Variants in GABBR2 observed in about 807,000 individuals in gnomAD.
GABBR2 encodes gamma-aminobutyric acid type B receptor subunit 2, also known as G-protein coupled receptor 51.
A neutral mutation model predicts 105.6 loss-of-function variants in GABBR2; 23 were observed. The observed-to-expected ratio is 0.22, with a 90% CI of 0.16 to 0.31. The LOEUF is 0.31. Among genes scored for constraint, GABBR2 ranks in the 10% least tolerant of loss-of-function variants. The pLI is 1.00. For synonymous variants in GABBR2, 478 were observed against 499.7 expected, an observed-to-expected ratio of 0.96 and a Z score of 0.58; for missense variants, 734 against 1,245.5, an observed-to-expected ratio of 0.59 and a Z score of 6.18.
At chr9:98,586,853 G>A (rs1051332610) in intron 1 of GABBR2, among the ~76,000 whole-genome samples, 2 of 152,194 alleles carry the variant, frequency 1.3e-5, no homozygotes, top group African/African-American at 4.8e-5. Flanking sequence ...CTCTGCCAGT[G>A]GACCCTTGGG....
intron 6 of GABBR2, among the ~76,000 whole-genome samples, chr9:98,455,202 T>C (rs1283687769): frequency 2.0e-5 from 3 of 152,186 alleles, no homozygotes; most frequent in South Asian, 2.1e-4. Context: ...AGGAATTTCA[T>C]TGGTGATATT....
At chr9:98,412,592 C>T (rs1210413029) in intron 7 of GABBR2, among the ~76,000 whole-genome samples, 1 of 152,190 alleles carries the variant, frequency 6.6e-6, no homozygotes, top group East Asian at 1.9e-4. Flanking sequence ...CTCTGACCTT[C>T]TCCTGGCCTC....
At chr9:98,332,519 C>T (rs1444786242) in intron 13 of GABBR2, among the ~76,000 whole-genome samples, 1 of 152,120 alleles carries the variant, frequency 6.6e-6, no homozygotes, top group Admixed American at 6.5e-5. Flanking sequence ...AGTCACTCAC[C>T]CAAGGTCACG....
intron 13 of GABBR2, among the ~76,000 whole-genome samples, chr9:98,315,103 C>T (rs1830693108): frequency 1.3e-5 from 2 of 152,178 alleles, no homozygotes; most frequent in South Asian, 2.1e-4. Flanking sequence ...CTTAGCTGCT[C>T]CCCTTCCCCC....
At chr9:98,664,393 A>G (rs1830307089) in intron 1 of GABBR2, among the ~76,000 whole-genome samples, 1 of 152,162 alleles carries the variant, frequency 6.6e-6, no homozygotes. Context: ...TAGCACCTCA[A>G]TTACACTGCT....
chr9:98,596,373 T>C (rs1218331884), intron 1 of GABBR2, among the ~76,000 whole-genome samples: 1 of 152,174 alleles, frequency 6.6e-6, no homozygotes, highest in Non-Finnish European at 1.5e-5. Flanking sequence ...ACCTGTTTGC[T>C]GAATTTTCCC....
At chr9:98,393,081 C>G (rs1832217622) in intron 9 of GABBR2, among the ~76,000 whole-genome samples, 1 of 138,482 alleles carries the variant, frequency 7.2e-6, no homozygotes, top group East Asian at 2.1e-4. Context: ...CACACACCCA[C>G]TCATCCACCC....
intron 6 of GABBR2, among the ~76,000 whole-genome samples, chr9:98,466,210 T>C (rs1250680246): frequency 6.6e-6 from 1 of 152,160 alleles, no homozygotes; most frequent in Non-Finnish European, 1.5e-5. Context: ...TGTCTCTTTA[T>C]AACAGTGTGA....
intron 5 of GABBR2, among the ~76,000 whole-genome samples, chr9:98,478,612 G>A (rs1445907186): frequency 1.3e-5 from 2 of 152,190 alleles, no homozygotes; most frequent in Non-Finnish European, 2.9e-5. Flanking sequence ...CCATGTGGAA[G>A]GCAGACAAGC....
At chr9:98,355,770 AC>A (rs774745973) in intron 13 of GABBR2, among the ~76,000 whole-genome samples, 42 of 152,208 alleles carry the variant, frequency 2.8e-4, no homozygotes, top group Non-Finnish European at 5.4e-4. Flanking sequence ...ATCTCACACA[AC>A]ATTAAAGAAC....
At chr9:98,349,030 T>G (rs1198083333) in intron 13 of GABBR2, among the ~76,000 whole-genome samples, 3 of 152,188 alleles carry the variant, frequency 2.0e-5, no homozygotes, top group Non-Finnish European at 4.4e-5. Context: ...GCTTTCAGCC[T>G]TTCTCCATTC....
chr9:98,439,664 G>A (rs1378299594), intron 7 of GABBR2, among the ~76,000 whole-genome samples: 1 of 152,186 alleles, frequency 6.6e-6, no homozygotes, highest in African/African-American at 2.4e-5. Context: ...GCATATGAAT[G>A]TCAGAATGTG....
At chr9:98,664,062 G>A (rs932990207) in intron 1 of GABBR2, among the ~76,000 whole-genome samples, 4 of 152,130 alleles carry the variant, frequency 2.6e-5, no homozygotes, top group African/African-American at 9.7e-5. Flanking sequence ...TGTCCCTCTT[G>A]TCAAATGTGT....
intron 3 of GABBR2, among the ~76,000 whole-genome samples, chr9:98,540,536 A>G (rs1334554960): frequency 6.6e-6 from 1 of 152,156 alleles, no homozygotes; most frequent in Admixed American, 6.5e-5. Context: ...TGCAGTGGAA[A>G]CCAGGTCTGC....
chr9:98,467,524 C>T (rs899921064), intron 6 of GABBR2, among the ~76,000 whole-genome samples: 5 of 152,152 alleles, frequency 3.3e-5, no homozygotes, highest in African/African-American at 4.8e-5. Context: ...TCTATTTTTC[C>T]GCAGCACCTT....
intron 1 of GABBR2, among the ~76,000 whole-genome samples, chr9:98,687,053 T>C (rs1178224373): frequency 3.9e-5 from 6 of 151,992 alleles, no homozygotes; most frequent in Admixed American, 1.3e-4. Flanking sequence ...ACCCACAGAC[T>C]TCCTTGTCCT....
At chr9:98,550,040 C>T (rs1200203296) in intron 2 of GABBR2, among the ~76,000 whole-genome samples, 1 of 152,218 alleles carries the variant, frequency 6.6e-6, no homozygotes, top group Non-Finnish European at 1.5e-5. Flanking sequence ...GGTGAAGCAG[C>T]TTTGACCTTC....
At chr9:98,404,798 C>T (rs193104351) in intron 8 of GABBR2, among the ~76,000 whole-genome samples, 3 of 152,024 alleles carry the variant, frequency 2.0e-5, no homozygotes, top group East Asian at 3.9e-4. Flanking sequence ...ACGCATGACC[C>T]GGTTTCTTCA....
chr9:98,370,850 C>T (rs550648644), intron 12 of GABBR2, among the ~76,000 whole-genome samples: 19 of 152,250 alleles, frequency 1.2e-4, no homozygotes, highest in South Asian at 2.1e-4. Flanking sequence ...GCACGGGTGG[C>T]GAATGCGGTC....
Sources: gnomAD v4.1 joint callset for allele counts (sites outside exome capture counted in the v4.1 genomes callset) on GRCh38, gnomAD v4.1.1 for gene constraint, MANE v1.5 for transcripts, NCBI Gene and HGNC (gene_info 2026-07-23, HGNC 2026-07-21) for gene names.